The following THRAP3 variants were observed in gnomAD, a reference collection of about 807,000 sequenced individuals.
The protein encoded by THRAP3 is thyroid hormone receptor associated protein 3.
In THRAP3, 16 loss-of-function variants were observed where a neutral mutation model predicts 101.0. That is an observed-to-expected ratio of 0.16 (90% CI 0.11 to 0.24). THRAP3 has a LOEUF of 0.24. THRAP3 is among the 10% of genes least tolerant of loss of function. The probability of loss-of-function intolerance (pLI) is 1.00; values close to 1 mark genes in which losing one functional copy is unlikely to be tolerated. For synonymous variants in THRAP3, 407 were observed against 422.6 expected (o/e 0.96, Z 0.45); for missense variants, 989 against 1,202.7 (o/e 0.82, Z 2.63).
intron 11 of THRAP3, among the ~76,000 whole-genome samples, chr1:36,302,449 G>A (rs1304481753): frequency 2.0e-5 from 3 of 152,212 alleles, no homozygotes; most frequent in Non-Finnish European, 4.4e-5. Context: ...CTGCTTTGAG[G>A]CTACTAGAGG....
the THRAP3 span, among the ~76,000 whole-genome samples, chr1:36,218,331 G>GCAGTGAGCAGAGATTGCATCACT: frequency 3.5e-5 from 5 of 143,222 alleles, no homozygotes; most frequent in South Asian, 9.2e-4. Flanking sequence ...ATTGCATCAC[G>GCAGTGAGCAGAGATTGCATCACT]CAGTGAGCAG....
intron 4 of THRAP3, chr1:36,288,245 G>T: frequency 1.3e-6 from 1 of 773,516 alleles, no homozygotes; most frequent in Non-Finnish European, 1.6e-6. Context: ...TGAGGTTTTG[G>T]TGCACCCATC....
At chr1:36,303,740 A>AGCTCTGGCCACATCTTGTTC in intron 11 of THRAP3, 56 bp from the exon 12 acceptor site, 1 of 1,611,194 alleles carries the variant, frequency 6.2e-7, no homozygotes, top group Non-Finnish European at 8.5e-7. Flanking sequence ...CAGAGAAGAG[A>AGCTCTGGCCACATCTTGTTC]GCTCTGGCCA....
chr1:36,304,356 T>C lies in THRAP3; in HGVS notation c.*339T>C, dbSNP rs1438230347. 1 of 254,232 alleles carries C rather than the reference T, an allele frequency of 3.9e-6. No individual in the cohort carries two copies. Among genetic ancestry groups the C allele is most frequent in the Non-Finnish European group, 7.6e-6 (1 of 132,340 alleles). 15.7% of individuals were successfully genotyped at this position (254,232 alleles called of 1,614,324 possible). On this transcript the variant is annotated 3_prime_UTR_variant, in exon 12 of 12. Coordinates refer to ENST00000354618, the MANE Select transcript of THRAP3 (RefSeq NM_005119.4). ...TGTTTCCTATTAGAAACCAACAGTT[T>C]TGTTCTAATTTCATTTCATTTGGAG... is the stretch of plus-strand genomic sequence containing the variant.
chr1:36,303,939 G>A lies in THRAP3; in HGVS notation c.2790G>A (p.Glu930=), dbSNP rs750673825. Residue 930 remains glutamate (E), a synonymous_variant, in exon 12 of 12, where the codon GAG becomes GAA. Transcript: ENST00000354618. Reference sequence around the variant, plus strand: ...GGGCCCATGACAAGTTCAGTGGGGAGGAAGGGGAGATTGAAGACGACGAGA... The same window carrying A: ...GGGCCCATGACAAGTTCAGTGGGGAAGAAGGGGAGATTGAAGACGACGAGA... ...PKWAHDKFSG[E]EGEIEDDESG... is the part of the protein sequence containing the mutation. 6.2e-7 allele frequency: 1 copy of A among 1,612,948 alleles called. No individual in the cohort carries two copies. Among genetic ancestry groups the A allele is most frequent in the African/African-American group, 1.3e-5 (1 of 74,966 alleles).
chr1:36,301,126 C>T (rs1646025796), intron 10 of THRAP3, 42 bp downstream of exon 10: 3 of 1,589,224 alleles, frequency 1.9e-6, no homozygotes, highest in Non-Finnish European at 1.7e-6. Flanking sequence ...GACCCTTGCT[C>T]CTACCAGCTT....
chr1:36,231,804 C>T (rs1645030692), intron 1 of THRAP3, among the ~76,000 whole-genome samples: 1 of 152,102 alleles, frequency 6.6e-6, no homozygotes, highest in African/African-American at 2.4e-5. Context: ...AGACTATGTC[C>T]TAGAGTCTTG....
chr1:36,303,754 C>A, intron 11 of THRAP3, 42 bp from the exon 12 acceptor site: 1 of 1,613,160 alleles, frequency 6.2e-7, no homozygotes, highest in Admixed American at 1.7e-5. Flanking sequence ...CTGGCCACAT[C>A]TTGTTCACTC....
At chr1:36,283,618 CTGTTTATT>C (rs1267849444) in intron 3 of THRAP3, among the ~76,000 whole-genome samples, 2 of 148,536 alleles carry the variant, frequency 1.3e-5, no homozygotes, top group Non-Finnish European at 1.5e-5. Flanking sequence ...GGAACCCCTG[CTGTTTATT>C]TCAGATGAGT....
chr1:36,212,418 C>CTTTTTTTTTTTTTTTTTTTTTT, the THRAP3 span, among the ~76,000 whole-genome samples: 5 of 122,046 alleles, frequency 4.1e-5, no homozygotes, highest in Admixed American at 8.4e-5. Flanking sequence ...TTCTTTCTTT[C>CTTTTTTTTTTTTTTTTTTTTTT]TTTTTTTTTT....
At chr1:36,228,732 TA>T (rs917212119) in intron 1 of THRAP3, among the ~76,000 whole-genome samples, 9 of 152,198 alleles carry the variant, frequency 5.9e-5, no homozygotes, top group Non-Finnish European at 1.2e-4. Flanking sequence ...TATTTTTGAA[TA>T]GGGGTGCATT....
At chr1:36,258,204 A>G (rs185577406) in intron 1 of THRAP3, among the ~76,000 whole-genome samples, 1 of 152,376 alleles carries the variant, frequency 6.6e-6, no homozygotes, top group East Asian at 1.9e-4. Flanking sequence ...CCTGTAGCAG[A>G]CATGGGATTT....
chr1:36,285,639 T>A (rs548626490), intron 3 of THRAP3, among the ~76,000 whole-genome samples: 3 of 152,338 alleles, frequency 2.0e-5, no homozygotes, highest in Admixed American at 1.3e-4. Flanking sequence ...GGTCCGATAG[T>A]GCCCTCTTGT....
chr1:36,260,631 G>T (rs1221684547), intron 2 of THRAP3, among the ~76,000 whole-genome samples: 2 of 151,938 alleles, frequency 1.3e-5, no homozygotes, highest in Non-Finnish European at 2.9e-5. Context: ...GACCATCCTG[G>T]CTAACACGGT....
chr1:36,236,802 C>A (rs1409499200), intron 1 of THRAP3, among the ~76,000 whole-genome samples: 1 of 152,206 alleles, frequency 6.6e-6, no homozygotes, highest in African/African-American at 2.4e-5. Context: ...TACCTCTATG[C>A]TGAAAGTAAA....
At chr1:36,222,234 A>G (rs998801111), upstream of THRAP3, among the ~76,000 whole-genome samples, 1 of 152,084 alleles carries the variant, frequency 6.6e-6, no homozygotes, top group Non-Finnish European at 1.5e-5. Context: ...ATTAAAGTAT[A>G]TATATTTTAG....
chr1:36,252,927 CATATATATATATAT>C (rs71053916), intron 1 of THRAP3, among the ~76,000 whole-genome samples: 1,102 of 76,574 alleles, frequency 0.014, 15 homozygotes, highest in South Asian at 0.034. Flanking sequence ...TATAGATAGG[CATATATATATATAT>C]ATATATATAT....
intron 1 of THRAP3, among the ~76,000 whole-genome samples, chr1:36,242,731 G>C (rs183675800): frequency 1.5e-4 from 23 of 152,260 alleles, no homozygotes; most frequent in Admixed American, 1.2e-3. Context: ...GATTACAGGC[G>C]TGAGCCACCA....
intron 2 of THRAP3, among the ~76,000 whole-genome samples, chr1:36,275,131 A>G (rs978391289): frequency 3.4e-5 from 5 of 146,902 alleles, no homozygotes; most frequent in Admixed American, 6.8e-5. Flanking sequence ...ACACACACAC[A>G]CACACAAAAT....
Sources: allele counts gnomAD v4.1 joint callset (sites outside exome capture counted in the v4.1 genomes callset), GRCh38; gene constraint gnomAD v4.1.1; transcripts MANE v1.5; gene names NCBI Gene and HGNC (gene_info 2026-07-23, HGNC 2026-07-21).